The following LNPK variants were observed in gnomAD, a reference collection of about 807,000 sequenced individuals.
The protein encoded by LNPK is lunapark, ER junction formation factor.
A neutral mutation model predicts 55.2 loss-of-function variants in LNPK; 29 were observed. The observed-to-expected ratio is 0.53, with a 90% CI of 0.39 to 0.72. LNPK has a LOEUF of 0.72. Among genes scored for constraint, LNPK ranks in the 30% least tolerant of loss-of-function variants. The pLI is 0.00. For synonymous variants in LNPK, 162 were observed against 168.2 expected, an observed-to-expected ratio of 0.96 and a Z score of 0.29; for missense variants, 467 against 494.8, an observed-to-expected ratio of 0.94 and a Z score of 0.53.
At chr2:175,941,307 A>G (rs1390082529) in intron 9 of LNPK, among the ~76,000 whole-genome samples, 1 of 145,514 alleles carries the variant, frequency 6.9e-6, no homozygotes, top group Admixed American at 6.9e-5. Context: ...TTATATTTAT[A>G]TATAATTGGG....
At chr2:175,947,930 A>G (rs1275266612) in intron 8 of LNPK, among the ~76,000 whole-genome samples, 1 of 152,172 alleles carries the variant, frequency 6.6e-6, no homozygotes, top group Non-Finnish European at 1.5e-5. Flanking sequence ...TACTGATACC[A>G]CTTTTCAAAA....
In LNPK at chr2:175,979,314, T is replaced by C. The variant is rs1370932901; in HGVS notation, c.316+496A>G. ...TTGCTCACGCCTGTAATCCTAGCAC[T>C]TTGGGAGGCAGAGGCAGGCGGATTG... On this transcript the variant is annotated intron_variant, in intron 5 of 12. Transcript: ENST00000272748. 5.3e-5 allele frequency among the ~76,000 whole-genome samples: 8 copies of C among 152,260 alleles called. No individual in the cohort carries two copies. The South Asian group carries it at 1.0e-3, about 20-fold the overall frequency.
intron 6 of LNPK, among the ~76,000 whole-genome samples, chr2:175,968,064 AAG>A (rs1686462131): frequency 6.6e-6 from 1 of 152,330 alleles, no homozygotes; most frequent in African/African-American, 2.4e-5. Flanking sequence ...CACCATTAAT[AAG>A]AGAGTGCCAT....
chr2:175,955,191 C>CT (rs1409603143), intron 8 of LNPK, among the ~76,000 whole-genome samples: 2 of 152,216 alleles, frequency 1.3e-5, no homozygotes, highest in African/African-American at 2.4e-5. Context: ...CAGAGGGTGT[C>CT]TGTGTACCCT....
intron 8 of LNPK, among the ~76,000 whole-genome samples, chr2:175,948,043 C>T (rs564725721): frequency 6.6e-6 from 1 of 152,142 alleles, no homozygotes; most frequent in Non-Finnish European, 1.5e-5. Flanking sequence ...TTAGTCAAAA[C>T]TCCAAATTGC....
chr2:175,991,772 G>T (rs1010128785), intron 4 of LNPK, among the ~76,000 whole-genome samples: 2 of 152,106 alleles, frequency 1.3e-5, no homozygotes, highest in Admixed American at 1.3e-4. Context: ...CCTATACAGT[G>T]CTATATTATA....
At chr2:175,991,919 T>C (rs908052227) in intron 4 of LNPK, among the ~76,000 whole-genome samples, 6 of 152,138 alleles carry the variant, frequency 3.9e-5, no homozygotes, top group African/African-American at 1.2e-4. Flanking sequence ...CCTGCCCCAC[T>C]TGCCATTACC....
In LNPK at chr2:175,957,489, G is replaced by C. The variant is rs138110269; in HGVS notation, c.493+6883C>G. Among the ~76,000 whole-genome samples the C allele has an allele frequency of 4.5e-3, 685 of 151,642 alleles. 3 individuals carry two copies. Among genetic ancestry groups the C allele is most frequent in the African/African-American group, 0.016 (658 of 41,286 alleles). The stretch of plus-strand genomic sequence containing the variant: ...AGCCGACTTCTCCACTTGTATACTA[G>C]ATCACATCCCCTCTTGCCTACTCAT... On this transcript the variant is annotated intron_variant, in intron 8 of 12. Coordinates refer to ENST00000272748, the MANE Select transcript of LNPK (RefSeq NM_030650.3).
intron 4 of LNPK, among the ~76,000 whole-genome samples, chr2:175,981,922 A>C (rs1452119689): frequency 6.6e-6 from 1 of 152,212 alleles, no homozygotes; most frequent in South Asian, 2.1e-4. Context: ...GTTTTGGGGC[A>C]ATCTGTTACA....
At chr2:175,955,802 G>T (rs1005027297) in intron 8 of LNPK, among the ~76,000 whole-genome samples, 5 of 152,294 alleles carry the variant, frequency 3.3e-5, no homozygotes, top group Admixed American at 2.6e-4. Context: ...ATAAGAAGTT[G>T]TACTCTATTT....
chr2:175,944,401 AAAT>A (rs777446187), intron 9 of LNPK, among the ~76,000 whole-genome samples: 65 of 152,122 alleles, frequency 4.3e-4, no homozygotes, highest in African/African-American at 1.4e-3. Context: ...TTTTATATAA[AAAT>A]AATAACAAAA....
intron 9 of LNPK, among the ~76,000 whole-genome samples, chr2:175,945,073 A>G (rs192712770): frequency 1.8e-3 from 271 of 151,726 alleles, no homozygotes; most frequent in Admixed American, 3.5e-3. Context: ...TAATTTTTGT[A>G]TTTTTAGTAG....
Position 175,929,203 on chromosome 2 carries a change from A to ATT in LNPK, c.*763_*764insAA. 1.0e-6 allele frequency: 1 copy of ATT among 960,254 alleles called. No homozygotes were observed. The allele number at this position is 960,254 out of a possible 1,614,324, so 59.5% of individuals were successfully genotyped here. A position where few individuals can be genotyped will look rare whatever the true frequency, so the allele number is the denominator to read the frequency against. ...TTATATATCATCATTTTATACTTAT[A>ATT]AATAATGCTCAGAATTCAAATAGGG... is the stretch of plus-strand genomic sequence containing the variant. On this transcript the variant is annotated 3_prime_UTR_variant, in exon 13 of 13. Coordinates refer to ENST00000272748, the MANE Select transcript of LNPK (RefSeq NM_030650.3).
rs762575170 is a variant in LNPK, at chr2:175,947,567, G to A, written c.619C>T (p.Pro207Ser). ...PPKDSSAPGG[P>S]PERTVTPALS... ...GCTGGAGTAACAGTCCTTTCTGGGG[G>A]TCCACCAGGGGCAGAACTGTCCTTT... Residue 207 changes from proline to serine, a missense_variant, in exon 9 of 13, where the codon CCC (proline) becomes TCC (serine). Physicochemically the swap from Pro to Ser is moderately conservative, Grantham distance 74 (BLOSUM62 -1). Transcript: ENST00000272748. 1 of 1,614,044 alleles carries A rather than the reference G, an allele frequency of 6.2e-7. No individual in the cohort carries two copies. Among genetic ancestry groups the A allele is most frequent in the South Asian group, 1.1e-5 (1 of 91,072 alleles).
intron 6 of LNPK, among the ~76,000 whole-genome samples, chr2:175,966,261 G>T (rs974775548): frequency 9.2e-5 from 14 of 152,024 alleles, no homozygotes; most frequent in Non-Finnish European, 1.8e-4. Flanking sequence ...ACGAGGTTTC[G>T]CCATGTTGGC....
chr2:175,955,990 AT>A (rs933621590), intron 8 of LNPK, among the ~76,000 whole-genome samples: 10 of 152,056 alleles, frequency 6.6e-5, no homozygotes, highest in Middle Eastern at 3.2e-3. Context: ...TCAGTTAAGG[AT>A]TTTTTAGGCT....
chr2:175,951,151 T>C (rs1025798670), intron 8 of LNPK, among the ~76,000 whole-genome samples: 1 of 152,110 alleles, frequency 6.6e-6, no homozygotes, highest in South Asian at 2.1e-4. Context: ...TGTTCTATTA[T>C]CAAGCTGTGG....
rs1220363904 is a variant in LNPK, at chr2:175,930,099, G to C, written c.1155C>G (p.Asp385Glu). ...CTTGTTTCTCCTCTGGTTCCTCTGAGTCAGATGCTTTTTCAATCACTTGGT... is the reference window on the plus strand; with the variant it reads ...CTTGTTTCTCCTCTGGTTCCTCTGACTCAGATGCTTTTTCAATCACTTGGT... ...QTNQVIEKASDSEEPEEKQET... is the reference protein window; with the variant it reads ...QTNQVIEKASESEEPEEKQET... Residue 385 changes from aspartate to glutamate, a missense_variant, in exon 13 of 13, where the codon GAC (aspartate) becomes GAG (glutamate). By Grantham distance (45) the Asp-to-Glu change is conservative (BLOSUM62 2). Coordinates refer to ENST00000272748, the MANE Select transcript of LNPK (RefSeq NM_030650.3). 1 of 1,614,002 alleles carries C rather than the reference G, an allele frequency of 6.2e-7. No homozygotes were observed. The highest frequency in any genetic ancestry group is 1.1e-5 in the South Asian group (1 of 91,076).
At chr2:175,930,500 G>A (rs1051566549) in intron 12 of LNPK, among the ~76,000 whole-genome samples, 2 of 152,064 alleles carry the variant, frequency 1.3e-5, no homozygotes, top group Non-Finnish European at 2.9e-5. Flanking sequence ...ACATCTGAAA[G>A]TTGAAGTCCA....
Sources: gnomAD v4.1 joint callset for allele counts (sites outside exome capture counted in the v4.1 genomes callset) on GRCh38, gnomAD v4.1.1 for gene constraint, MANE v1.5 for transcripts, NCBI Gene and HGNC (gene_info 2026-07-23, HGNC 2026-07-21) for gene names.